The following TTN variants were observed in gnomAD, a reference collection of about 807,000 sequenced individuals.
The protein encoded by TTN is connectin.
A neutral mutation model predicts 3,223.0 loss-of-function variants in TTN; 1,525 were observed. The ratio of observed to expected loss-of-function variants is 0.47; its 90% CI spans 0.45 to 0.49. The LOEUF is 0.49. Among genes scored for constraint, TTN ranks in the 20% least tolerant of loss-of-function variants. The pLI, the probability that TTN is intolerant of heterozygous loss-of-function variation, is 0.00. For synonymous variants in TTN, 14,094 were observed against 15,161.0 expected, an observed-to-expected ratio of 0.93 and a Z score of 5.17; for missense variants, 40,786 against 43,424.0, an observed-to-expected ratio of 0.94 and a Z score of 5.40.
rs748787500 is a variant in TTN at position 178,714,578 on chromosome 2, T to A, written c.26201-5A>T. 3.0e-5 allele frequency: 48 copies of A among 1,582,720 alleles called. No homozygotes were observed. In the Admixed American group the frequency reaches 8.5e-4, roughly 28 times the overall value. ...TCTTCACAAATCTTGGTGGTGCTGA[T>A]GAAAAAGGAGGAAAGCCTGGGTTTT... On this transcript the variant is annotated splice_polypyrimidine_tract_variant and splice_region_variant and intron_variant, in intron 90 of 362. Transcript: ENST00000589042.
intron 111 of TTN, 51 bp downstream of exon 111, chr2:178,701,069 T>A: frequency 2.5e-6 from 4 of 1,579,644 alleles, no homozygotes; most frequent in Non-Finnish European, 3.5e-6. Flanking sequence ...ATTTTTCGGG[T>A]CAGCAGAGTG....
At position 178,773,843 on chromosome 2, in the gene TTN, A is replaced by G. The variant is rs1208490547; in HGVS notation, c.7325T>C (p.Val2442Ala). 1 of 1,614,030 alleles carries G rather than the reference A, an allele frequency of 6.2e-7. No homozygotes were observed. The highest frequency in any genetic ancestry group is 1.3e-5 in the African/African-American group (1 of 74,934). Reference sequence around the variant, plus strand: ...ATTTTATAATTAGGACTCACTATAGACAGAGACACGCCCACTGGTGGAGAG... The same window carrying G: ...ATTTTATAATTAGGACTCACTATAGGCAGAGACACGCCCACTGGTGGAGAG... ...LGLSTSGRVS[V>A]YSVDVITPLK... The change falls in exon 31 of 363, where the codon GTC becomes GCC. Residue 2442 changes from valine to alanine, a missense_variant. Transcript: ENST00000589042.
chr2:178,754,756 C>T (rs565185676), intron 46 of TTN, among the ~76,000 whole-genome samples: 1 of 152,290 alleles, frequency 6.6e-6, no homozygotes, highest in East Asian at 1.9e-4. Context: ...ATCTAATTTA[C>T]ATAACTAGAC....
At position 178,712,962 on chromosome 2, in the gene TTN, A is replaced by T. The variant is rs754185678; in HGVS notation, c.27063T>A (p.Phe9021Leu). Residue 9021 changes from phenylalanine (F) to leucine (L), a missense_variant, in exon 94 of 363, where the codon TTT becomes TTA. Physicochemically the swap from Phe to Leu is conservative, Grantham distance 22. Coordinates refer to ENST00000589042, the MANE Select transcript of TTN (RefSeq NM_001267550.2). ...APLTVREPPS[F>L]VQKPDPMDVL... ...CATCCATGGGATCAGGTTTCTGAAC[A>T]AAAGATGGTGGTTCTAAACACAAAA... is the stretch of plus-strand genomic sequence containing the variant. 1 of 1,612,452 alleles carries T rather than the reference A, an allele frequency of 6.2e-7. No individual in the cohort carries two copies. The highest frequency in any genetic ancestry group is 8.5e-7 in the Non-Finnish European group (1 of 1,178,920).
Position 178,528,652 on chromosome 2 carries a change from T to C in TTN, c.107099A>G (p.Asp35700Gly), listed in dbSNP as rs1060500391. The C allele has an allele frequency of 1.2e-6, 2 of 1,613,128 alleles. No homozygotes were observed. Among genetic ancestry groups the C allele is most frequent in the Non-Finnish European group, 1.7e-6 (2 of 1,179,450 alleles). Residue 35700 changes from aspartate to glycine, a missense_variant, in exon 360 of 363, where the codon GAT (aspartate) becomes GGT (glycine). By Grantham distance (94) the Asp-to-Gly change is moderately conservative (BLOSUM62 -1). Coordinates refer to ENST00000589042, the MANE Select transcript of TTN (RefSeq NM_001267550.2). ...AGGCTGTGAGATGAAGGCTGGAGCA[T>C]CTGAGAGTTCTTTGCTCAGTGTCAA... is the stretch of plus-strand genomic sequence containing the variant. ...YDLTLSKELS[D>G]APAFISQPRS...
chr2:178,556,619 A>G, intron 330 of TTN: 1 of 539,066 alleles, frequency 1.9e-6, no homozygotes, highest in South Asian at 2.5e-5. Context: ...GAAGTTGGAA[A>G]GGCCCATAGA....
rs1387991609 is a variant in TTN, at chr2:178,617,444, C to CA, written c.47640_47641insT (p.Glu15881Ter). ...CTTCCTCCATCTTTCAGAGGAGGTT[C>CA]CCATTTGAGCTGAACTGATGACTGA... On this transcript the variant is annotated frameshift_variant, in exon 254 of 363. Transcript: ENST00000589042. LOFTEE classifies it high-confidence loss of function. 1.3e-6 allele frequency: 2 copies of CA among 1,598,172 alleles called. No individual in the cohort carries two copies. Among genetic ancestry groups the CA allele is most frequent in the Non-Finnish European group, 1.7e-6 (2 of 1,175,094 alleles).
At position 178,531,609 on chromosome 2, in the gene TTN, C is replaced by T. The variant is rs1320843432; in HGVS notation, c.105006G>A (p.Leu35002=). ...NTSGVLTLEI[L]DCHTDDSGTY... is the part of the protein sequence containing the mutation. ...TTCCACTGTCATCAGTATGACAGTCCAGAATTTCCAGGGTGAGGACTCCAC... is the reference window on the plus strand; with the variant it reads ...TTCCACTGTCATCAGTATGACAGTCTAGAATTTCCAGGGTGAGGACTCCAC... The change falls in exon 358 of 363, where the codon CTG becomes CTA. Residue 35002 remains leucine (L), a synonymous_variant. Transcript: ENST00000589042. 5.6e-6 allele frequency: 9 copies of T among 1,613,830 alleles called. No homozygotes were observed. Among genetic ancestry groups the T allele is most frequent in the Non-Finnish European group, 6.8e-6 (8 of 1,179,884 alleles).
chr2:178,789,625 T>G, intron 12 of TTN, 128 bp from the exon 13 acceptor site: 1 of 1,281,470 alleles, frequency 7.8e-7, no homozygotes, highest in Non-Finnish European at 1.1e-6. Flanking sequence ...AGAAATAAAC[T>G]TTCACCGGCA....
chr2:178,786,187 A>G, intron 13 of TTN, 46 bp from the exon 14 acceptor site: 1 of 1,599,916 alleles, frequency 6.3e-7, no homozygotes, highest in Non-Finnish European at 8.5e-7. Flanking sequence ...TATCGAGATC[A>G]GGCTGGAATA....
rs1196363476 is a variant in TTN at position 178,740,694 on chromosome 2, T to C, written c.12539A>G (p.Asp4180Gly). ...EEPETQAVLS[D>G]TEKIFPSAMS... ...GGCACTTGGGAAGATTTTCTCGGTA[T>C]CTGATAGAACTGCCTGTGTCTCAGG... Residue 4180 changes from aspartate (D) to glycine (G), a missense_variant, in exon 48 of 363, where the codon GAT (aspartate) becomes GGT (glycine). Transcript: ENST00000589042. 1 of 1,613,906 alleles carries C rather than the reference T, an allele frequency of 6.2e-7. No homozygotes were observed. Among genetic ancestry groups the C allele is most frequent in the East Asian group, 2.2e-5 (1 of 44,862 alleles).
intron 165 of TTN, 100 bp from the exon 166 acceptor site, chr2:178,665,026 C>G: frequency 1.5e-6 from 2 of 1,328,452 alleles, no homozygotes; most frequent in Non-Finnish European, 2.1e-6. Context: ...TCTTCTCTTT[C>G]CTCCATCCTC....
At position 178,569,729 on chromosome 2, in the gene TTN, A is replaced by G; in HGVS notation, c.76403T>C (p.Val25468Ala). 6.2e-7 allele frequency: 1 copy of G among 1,613,148 alleles called. No individual in the cohort carries two copies. Among genetic ancestry groups the G allele is most frequent in the Non-Finnish European group, 8.5e-7 (1 of 1,179,594 alleles). ...TTCATGCTTTTCCAACAGCTTCTCT[A>G]CTTCTATGTTTGTTTTATTAATTCC... is the stretch of plus-strand genomic sequence containing the variant. ...PTGINKTNIE[V>A]EKLLEKHEYN... is the part of the protein sequence containing the mutation. The change falls in exon 326 of 363, where the codon GTA (valine) becomes GCA (alanine). Residue 25468 changes from valine to alanine, a missense_variant. Physicochemically the swap from Val to Ala is moderately conservative, Grantham distance 64. Transcript: ENST00000589042.
chr2:178,799,315 G>A, intron 6 of TTN, 172 bp downstream of exon 6: 1 of 978,950 alleles, frequency 1.0e-6, no homozygotes, highest in Non-Finnish European at 1.5e-6. Flanking sequence ...GGAACACGGA[G>A]CCCCACAACC....
Position 178,564,051 on chromosome 2 carries a change from G to C in TTN, c.82081C>G (p.Pro27361Ala), listed in dbSNP as rs56137800. The change falls in exon 326 of 363, where the codon CCC (proline) becomes GCC (alanine). Residue 27361 changes from proline (P) to alanine (A), a missense_variant. By Grantham distance (27) the Pro-to-Ala change is conservative (BLOSUM62 -1). Transcript: ENST00000589042. ...LSNVGGTKSI[P>A]ITVKVLDRPG... ...CTGTCAAGTACCTTTACAGTGATGG[G>C]TATAGACTTTGTACCACCAACATTG... is the stretch of plus-strand genomic sequence containing the variant. 1,431 of 1,613,698 alleles carry C rather than the reference G, an allele frequency of 8.9e-4. 19 individuals carry two copies. In the East Asian group the frequency reaches 0.029, roughly 33 times the overall value.
rs1407888645 is a variant in TTN at position 178,552,166 on chromosome 2, G to A, written c.90734C>T (p.Ser30245Leu). The change falls in exon 335 of 363, where the codon TCA (serine) becomes TTA (leucine). Residue 30245 changes from serine to leucine, a missense_variant. Coordinates refer to ENST00000589042, the MANE Select transcript of TTN (RefSeq NM_001267550.2). ...DEIKADSVIL[S>L]WDVPEDNGGG... Reference sequence around the variant, plus strand: ...TCCATTATCTTCAGGTACATCCCATGACAGGATGACACTATCAGCCTTGAT... The same window carrying A: ...TCCATTATCTTCAGGTACATCCCATAACAGGATGACACTATCAGCCTTGAT... 1 of 1,613,780 alleles carries A rather than the reference G, an allele frequency of 6.2e-7. No homozygotes were observed. The highest frequency in any genetic ancestry group is 8.5e-7 in the Non-Finnish European group (1 of 1,179,788).
Position 178,589,356 on chromosome 2 carries a change from T to G in TTN, c.62369A>C (p.Glu20790Ala). 1 of 1,613,426 alleles carries G rather than the reference T, an allele frequency of 6.2e-7. No individual in the cohort carries two copies. Among genetic ancestry groups the G allele is most frequent in the Non-Finnish European group, 8.5e-7 (1 of 1,179,592 alleles). The change falls in exon 304 of 363, where the codon GAG (glutamate) becomes GCG (alanine). Residue 20790 changes from glutamate (E) to alanine (A), a missense_variant. Transcript: ENST00000589042. ...GAATGGTTTGCCTCTAACCCCTGCCTCAAGCCTAATGGTGTCCCCTGCTTT... is the reference window on the plus strand; with the variant it reads ...GAATGGTTTGCCTCTAACCCCTGCCGCAAGCCTAATGGTGTCCCCTGCTTT... ...TVKAGDTIRLEAGVRGKPFPE... is the reference protein window; with the variant it reads ...TVKAGDTIRLAAGVRGKPFPE...
Position 178,718,206 on chromosome 2 carries a change from A to G in TTN, c.24800T>C (p.Ile8267Thr). The G allele has an allele frequency of 6.2e-7, 1 of 1,601,306 alleles. No individual in the cohort carries two copies. Among genetic ancestry groups the G allele is most frequent in the South Asian group, 1.1e-5 (1 of 90,482 alleles). Residue 8267 changes from isoleucine (I) to threonine (T), a missense_variant, in exon 86 of 363, where the codon ATT becomes ACT. Coordinates refer to ENST00000589042, the MANE Select transcript of TTN (RefSeq NM_001267550.2). ...TGCTTCCACATGTTCCAGAGGTTCA[A>G]TAAAGTACGGTGGTTCTATGGTACA... ...LVSVLEPPYFIEPLEHVEAVI... is the reference protein window; with the variant it reads ...LVSVLEPPYFTEPLEHVEAVI...
intron 156 of TTN, 43 bp downstream of exon 156, chr2:178,671,047 A>G (rs775283954): frequency 8.9e-6 from 13 of 1,455,024 alleles, no homozygotes; most frequent in Non-Finnish European, 1.2e-5. Context: ...CCAAGGTGCT[A>G]TTGTATGTAA....
Sources: allele counts gnomAD v4.1 joint callset (sites outside exome capture counted in the v4.1 genomes callset), GRCh38; gene constraint gnomAD v4.1.1; transcripts MANE v1.5; gene names NCBI Gene and HGNC (gene_info 2026-07-23, HGNC 2026-07-21).